The following TTLL11 variants were observed in gnomAD, a reference collection of about 807,000 sequenced individuals.
The protein encoded by TTLL11 is tubulin tyrosine ligase like 11.
TTLL11 carries 42 observed loss-of-function variants against 51.7 expected under a neutral mutation model. The ratio of observed to expected loss-of-function variants is 0.81; its 90% CI spans 0.64 to 1.05. The LOEUF is 1.05. Among genes scored for constraint, TTLL11 ranks in the 50% least tolerant of loss-of-function variants. The probability of loss-of-function intolerance (pLI) is 0.00; values close to 1 mark genes in which losing one functional copy is unlikely to be tolerated. For missense variants in TTLL11, 799 were observed against 940.4 expected, an observed-to-expected ratio of 0.85 and a Z score of 1.97; for synonymous variants, 381 against 383.5, an observed-to-expected ratio of 0.99 and a Z score of 0.08.
intron 8 of TTLL11, among the ~76,000 whole-genome samples, chr9:121,823,565 A>T (rs888421341): frequency 1.3e-5 from 2 of 152,140 alleles, no homozygotes; most frequent in African/African-American, 4.8e-5. Context: ...AAACAAAAAA[A>T]CCCAGCTTCT....
intron 1 of TTLL11, among the ~76,000 whole-genome samples, chr9:122,056,224 C>T (rs1588243588): frequency 6.6e-6 from 1 of 152,142 alleles, no homozygotes; most frequent in East Asian, 1.9e-4. Context: ...CTCCTGATCC[C>T]AAAACCCAGC....
In TTLL11 at chr9:121,989,054, TA is replaced by T; in HGVS notation, c.1269+140del. The T allele has an allele frequency of 6.6e-7, 1 of 1,505,368 alleles. No individual in the cohort carries two copies. Among genetic ancestry groups the T allele is most frequent in the Non-Finnish European group, 8.9e-7 (1 of 1,127,458 alleles). The allele number at this position is 1,505,368 out of a possible 1,614,324, so 93.3% of individuals were successfully genotyped here. On this transcript the variant is annotated intron_variant, in intron 4 of 8. Coordinates refer to ENST00000321582, the MANE Select transcript of TTLL11 (RefSeq NM_001139442.2). This position sits in a 1 kb window ranked among gnomAD's most constrained non-coding sequence, Gnocchi z 4.2. ...AAAGCTTGGAAGTTGGGCCCAGGTTTAACACCCAAGCCCACAGCACCACCAA... is the reference window on the plus strand; with the variant it reads ...AAAGCTTGGAAGTTGGGCCCAGGTTTACACCCAAGCCCACAGCACCACCAA...
At chr9:121,971,117 G>A (rs1255155821) in intron 6 of TTLL11, among the ~76,000 whole-genome samples, 1 of 98,748 alleles carries the variant, frequency 1.0e-5, no homozygotes, top group Non-Finnish European at 2.3e-5. Flanking sequence ...GGAGGGAGGT[G>A]GGGGGGTCAG....
At chr9:121,967,527 A>C (rs1180579042) in intron 6 of TTLL11, among the ~76,000 whole-genome samples, 1 of 152,120 alleles carries the variant, frequency 6.6e-6, no homozygotes, top group East Asian at 1.9e-4. Context: ...CCAGCCTCAG[A>C]GGGAGGTTCT....
At chr9:121,904,994 G>A (rs1244181016) in intron 6 of TTLL11, among the ~76,000 whole-genome samples, 1 of 152,170 alleles carries the variant, frequency 6.6e-6, no homozygotes, top group African/African-American at 2.4e-5. Flanking sequence ...AGTTTGTTTT[G>A]TCATGTTCTT....
At chr9:122,025,185 C>T (rs192575292) in intron 3 of TTLL11, among the ~76,000 whole-genome samples, 1 of 151,972 alleles carries the variant, frequency 6.6e-6, no homozygotes, top group East Asian at 1.9e-4. Context: ...AACATGTGAA[C>T]AGACATTTCA....
chr9:121,886,713 A>G (rs1034296236), intron 6 of TTLL11, among the ~76,000 whole-genome samples: 3 of 152,178 alleles, frequency 2.0e-5, no homozygotes, highest in Admixed American at 2.0e-4. Flanking sequence ...CAACCTAGGT[A>G]CCCTTGGGGG....
chr9:121,954,008 A>T (rs911763252), intron 6 of TTLL11, among the ~76,000 whole-genome samples: 5 of 152,238 alleles, frequency 3.3e-5, no homozygotes, highest in Non-Finnish European at 7.3e-5. Flanking sequence ...GAGAAAGCCC[A>T]GATGACAGAG....
chr9:121,836,820 G>T (rs533384666), intron 8 of TTLL11, among the ~76,000 whole-genome samples: 4 of 152,360 alleles, frequency 2.6e-5, no homozygotes, highest in African/African-American at 9.6e-5. Flanking sequence ...GGTGCACATG[G>T]TGAGAAAATT....
chr9:122,034,267 A>G (rs1335198463), intron 2 of TTLL11, among the ~76,000 whole-genome samples: 1 of 152,244 alleles, frequency 6.6e-6, no homozygotes, highest in Non-Finnish European at 1.5e-5. Flanking sequence ...GTGCTCCAGA[A>G]AAGTTTTGTG....
chr9:121,876,550 G>A (rs1364887823), intron 6 of TTLL11, among the ~76,000 whole-genome samples: 1 of 152,196 alleles, frequency 6.6e-6, no homozygotes, highest in Non-Finnish European at 1.5e-5. Context: ...GGTCATACAG[G>A]ACCCTGAATG....
intron 6 of TTLL11, among the ~76,000 whole-genome samples, chr9:121,877,800 C>T (rs1322870076): frequency 1.3e-5 from 2 of 152,134 alleles, no homozygotes; most frequent in Non-Finnish European, 2.9e-5. Flanking sequence ...GGATATGAAC[C>T]AATGTGTTTT....
chr9:121,833,340 T>A (rs1837082315), intron 8 of TTLL11, among the ~76,000 whole-genome samples: 1 of 152,144 alleles, frequency 6.6e-6, no homozygotes, highest in Non-Finnish European at 1.5e-5. Flanking sequence ...TGGGTGAGGA[T>A]GGCCCACCAG....
At chr9:121,985,883 A>G (rs1842929143) in intron 4 of TTLL11, among the ~76,000 whole-genome samples, 1 of 152,170 alleles carries the variant, frequency 6.6e-6, no homozygotes, top group Non-Finnish European at 1.5e-5. Flanking sequence ...CAAATTCCAA[A>G]TATCTAACAC....
chr9:121,994,011 C>T (rs908500230), intron 3 of TTLL11, among the ~76,000 whole-genome samples: 2 of 152,266 alleles, frequency 1.3e-5, no homozygotes, highest in African/African-American at 4.8e-5. Flanking sequence ...GAGGCAGGGC[C>T]AGCCCCTGCC....
At chr9:121,862,546 T>C (rs1838043964) in intron 7 of TTLL11, among the ~76,000 whole-genome samples, 1 of 152,136 alleles carries the variant, frequency 6.6e-6, no homozygotes, top group Non-Finnish European at 1.5e-5. Context: ...TGAGTGACCC[T>C]GCCCGTTCTG....
chr9:121,991,404 A>C (rs551152632), intron 3 of TTLL11, among the ~76,000 whole-genome samples: 226 of 152,328 alleles, frequency 1.5e-3, no homozygotes, highest in African/African-American at 5.0e-3. Flanking sequence ...CAAGCCTCCC[A>C]GGGCCTTCCA....
chr9:121,881,169 G>C (rs1838774277), intron 6 of TTLL11, among the ~76,000 whole-genome samples: 1 of 152,178 alleles, frequency 6.6e-6, no homozygotes, highest in South Asian at 2.1e-4. Flanking sequence ...TCATTGTACA[G>C]CTCTGCTAAT....
chr9:121,964,062 A>C (rs1320303222), intron 6 of TTLL11, among the ~76,000 whole-genome samples: 2 of 152,092 alleles, frequency 1.3e-5, no homozygotes, highest in Admixed American at 6.6e-5. Flanking sequence ...AAAAAAATAC[A>C]CATATACACA....
Sources: gnomAD v4.1 joint callset for allele counts (sites outside exome capture counted in the v4.1 genomes callset) on GRCh38, gnomAD v4.1.1 for gene constraint, Gnocchi (gnomAD v3.1) non-coding constraint, MANE v1.5 for transcripts, NCBI Gene and HGNC (gene_info 2026-07-23, HGNC 2026-07-21) for gene names.